ENO4: variants seen among roughly 807,000 people sequenced by gnomAD.
ENO4 encodes 2-phospho-D-glycerate hydro-lyase.
Under a neutral mutation model 63.2 loss-of-function variants are expected in ENO4, and 53 were observed. The ratio of observed to expected loss-of-function variants is 0.84; its 90% CI spans 0.67 to 1.05. The LOEUF (loss-of-function observed/expected upper bound fraction) is 1.05, where lower values mean the gene tolerates loss of function less well. ENO4 is among the 50% of genes least tolerant of loss of function. ENO4 has a pLI of 0.00. For synonymous variants in ENO4, 266 were observed against 283.8 expected (o/e 0.94, Z 0.63); for missense variants, 719 against 772.0 (o/e 0.93, Z 0.81).
chr10:116,891,287 A>G (rs571080613), intron 10 of ENO4, among the ~76,000 whole-genome samples: 2 of 152,360 alleles, frequency 1.3e-5, no homozygotes, highest in East Asian at 3.9e-4. Flanking sequence ...GTTCATTTCT[A>G]TTTCACTTCT....
At chr10:116,881,039 G>GA (rs1846991402) in intron 13 of ENO4, among the ~76,000 whole-genome samples, 1 of 152,108 alleles carries the variant, frequency 6.6e-6, no homozygotes, top group Non-Finnish European at 1.5e-5. Flanking sequence ...CCAAAAACTG[G>GA]AAAAATAAAT....
intron 1 of ENO4, chr10:116,850,120 TTAAG>T: frequency 3.2e-6 from 1 of 312,094 alleles, no homozygotes; most frequent in Non-Finnish European, 6.2e-6. Context: ...CTCACCGACC[TTAAG>T]CAGCTCCTCT....
intron 6 of ENO4, among the ~76,000 whole-genome samples, 167 bp downstream of exon 6, chr10:116,861,357 G>A (rs961245806): frequency 8.6e-5 from 13 of 151,996 alleles, no homozygotes; most frequent in African/African-American, 3.1e-4. Flanking sequence ...TCAAACCAAA[G>A]GGAGCACATG....
At chr10:116,871,634 A>G (rs1272819878) in intron 9 of ENO4, among the ~76,000 whole-genome samples, 2 of 152,242 alleles carry the variant, frequency 1.3e-5, no homozygotes, top group Non-Finnish European at 2.9e-5. Flanking sequence ...TGTCGAACCT[A>G]AAAAGTAGAT....
Position 116,849,675 on chromosome 10 carries a change from G to T in ENO4, c.109G>T (p.Glu37Ter), listed in dbSNP as rs769289614. Residue 37 changes from glutamate to a stop codon, truncating the protein, a stop_gained, in exon 1 of 14, where the codon GAA becomes TAA. Coordinates refer to ENST00000341276, the MANE Select transcript of ENO4 (RefSeq NM_001242699.2). LOFTEE classifies it high-confidence loss of function. Reference sequence around the variant, plus strand: ...GGAGAACGACGTTCCGCGCAGGCTGGAAGAGCTGCTCAACTCCACCTTCTA... The same window carrying T: ...GGAGAACGACGTTCCGCGCAGGCTGTAAGAGCTGCTCAACTCCACCTTCTA... ...YRENDVPRRL[E>*]ELLNSTFYLQ... is the part of the protein sequence containing the mutation. 7 of 1,549,808 alleles carry T rather than the reference G, an allele frequency of 4.5e-6. No homozygotes were observed. The South Asian group carries it at 7.1e-5, about 16-fold the overall frequency.
At chr10:116,869,011 ATC>A (rs960302873) in intron 8 of ENO4, among the ~76,000 whole-genome samples, 1 of 152,158 alleles carries the variant, frequency 6.6e-6, no homozygotes, top group Non-Finnish European at 1.5e-5. Context: ...GGGAAGTCGA[ATC>A]TCTCTGACAA....
chr10:116,861,047 C>G lies in ENO4; in HGVS notation c.805-12C>G. ...CTGTTTCTCATTTTCCCTCGTTTTC[C>G]CCCTATTTCAGGAACAGCCAACAAC... On this transcript the variant is annotated splice_polypyrimidine_tract_variant and intron_variant, in intron 5 of 13. Transcript: ENST00000341276. The G allele has an allele frequency of 6.5e-7, 1 of 1,546,946 alleles. No individual in the cohort carries two copies. The highest frequency in any genetic ancestry group is 8.7e-7 in the Non-Finnish European group (1 of 1,145,180).
chr10:116,901,568 G>C, intron 10 of ENO4: 1 of 985,260 alleles, frequency 1.0e-6, no homozygotes, highest in South Asian at 4.7e-5. Context: ...TTTGTACATG[G>C]TACTTGCTTT....
intron 4 of ENO4, among the ~76,000 whole-genome samples, chr10:116,859,796 C>T (rs1846361643): frequency 6.6e-6 from 1 of 152,108 alleles, no homozygotes; most frequent in Non-Finnish European, 1.5e-5. Context: ...ACGAACCATA[C>T]ACCCAAATAA....
intron 10 of ENO4, among the ~76,000 whole-genome samples, chr10:116,890,835 G>C (rs1267469451): frequency 6.6e-6 from 1 of 152,226 alleles, no homozygotes; most frequent in Non-Finnish European, 1.5e-5. Context: ...CCATGCCAAC[G>C]CTGAACTTTA....
intron 13 of ENO4, among the ~76,000 whole-genome samples, chr10:116,880,862 C>T (rs769736336): frequency 6.6e-6 from 1 of 152,184 alleles, no homozygotes; most frequent in Admixed American, 6.5e-5. Context: ...TCCAGCCAGA[C>T]GTTACCACGA....
chr10:116,863,268 G>A (rs1051386447), intron 7 of ENO4, among the ~76,000 whole-genome samples: 1 of 151,918 alleles, frequency 6.6e-6, no homozygotes, highest in East Asian at 1.9e-4. Flanking sequence ...TGAGTCGCCA[G>A]TTGTCCCATC....
chr10:116,885,475 G>A (rs1847138953), downstream of ENO4: 1 of 152,366 alleles, frequency 6.6e-6, no homozygotes, highest in South Asian at 2.1e-4. Context: ...ACAAACCTGT[G>A]TAATATAGAA....
intron 10 of ENO4, among the ~76,000 whole-genome samples, chr10:116,896,028 C>T (rs1242167919): frequency 6.6e-6 from 1 of 152,158 alleles, no homozygotes; most frequent in Non-Finnish European, 1.5e-5. Context: ...CTATAGCTAA[C>T]ATATACATCC....
At chr10:116,901,726 T>A in intron 10 of ENO4, 1 of 1,481,338 alleles carries the variant, frequency 6.8e-7, no homozygotes, top group African/African-American at 1.5e-5. Flanking sequence ...CATTACAGAT[T>A]CTTCTATACA....
At position 116,911,566 on chromosome 10, in the gene ENO4, AG is replaced by A; in HGVS notation, c.1263del (p.Val422CysfsTer18). 1 of 1,550,818 alleles carries A rather than the reference AG, an allele frequency of 6.4e-7. No individual in the cohort carries two copies. Among genetic ancestry groups the A allele is most frequent in the Middle Eastern group, 1.7e-4 (1 of 5,992 alleles). On this transcript the variant is annotated frameshift_variant, in exon 11 of 11. Coordinates refer to the ENO4 transcript ENST00000369207. LOFTEE classifies it high-confidence loss of function. ...AACAGGAAACAATGACTTTGGTGAAAGTGTAACCACTCTTTTAGAACAAAAA... is the reference window on the plus strand; with the variant it reads ...AACAGGAAACAATGACTTTGGTGAAATGTAACCACTCTTTTAGAACAAAAA...
intron 10 of ENO4, among the ~76,000 whole-genome samples, chr10:116,891,801 C>T (rs1030265312): frequency 6.6e-6 from 1 of 152,062 alleles, no homozygotes; most frequent in African/African-American, 2.4e-5. Flanking sequence ...TAAGGTGAAA[C>T]TTTCTATATT....
chr10:116,873,983 T>TA, intron 9 of ENO4, 93 bp from the exon 10 acceptor site: 1 of 1,409,450 alleles, frequency 7.1e-7, no homozygotes, highest in Non-Finnish European at 9.5e-7. Context: ...ACCTCTTATA[T>TA]AAAATGAACG....
chr10:116,900,159 T>C (rs1258020951), intron 10 of ENO4, among the ~76,000 whole-genome samples: 2 of 152,322 alleles, frequency 1.3e-5, no homozygotes, highest in South Asian at 2.1e-4. Context: ...ATACACGGCA[T>C]CAGTTATTTT....
Sources: gnomAD v4.1 joint callset for allele counts (sites outside exome capture counted in the v4.1 genomes callset) on GRCh38, gnomAD v4.1.1 for gene constraint, MANE v1.5 for transcripts, NCBI Gene and HGNC (gene_info 2026-07-23, HGNC 2026-07-21) for gene names.